The following DICER1 variants were observed in gnomAD, a reference collection of about 807,000 sequenced individuals.
DICER1 encodes the protein dicer 1, ribonuclease III, also known as endoribonuclease Dicer.
In DICER1, 43 loss-of-function variants were observed where a neutral mutation model predicts 194.1. That is an observed-to-expected ratio of 0.22 (90% CI 0.17 to 0.29). DICER1 has a LOEUF of 0.29. Ranked by LOEUF, DICER1 falls within the 10% of genes least tolerant of loss-of-function variation. The probability of loss-of-function intolerance (pLI) is 1.00; values close to 1 mark genes in which losing one functional copy is unlikely to be tolerated. For missense variants in DICER1, 1,608 were observed against 2,317.0 expected, an observed-to-expected ratio of 0.69 and a Z score of 6.28; for synonymous variants, 832 against 820.5, an observed-to-expected ratio of 1.01 and a Z score of -0.24.
intron 1 of DICER1, among the ~76,000 whole-genome samples, chr14:95,138,711 G>T (rs367620409): frequency 1.0e-4 from 15 of 148,842 alleles, no homozygotes; most frequent in African/African-American, 3.5e-4. Context: ...GTAAACTATC[G>T]CAAGAACAAA....
At chr14:95,131,782 C>T (rs1463673116) in intron 3 of DICER1, 143 bp from the exon 4 acceptor site, 2 of 829,386 alleles carry the variant, frequency 2.4e-6, no homozygotes, top group Non-Finnish European at 4.0e-6. Context: ...CTCTTTAAAA[C>T]CACAGTTCCA....
chr14:95,150,952 C>T (rs1196480716), intron 1 of DICER1, among the ~76,000 whole-genome samples: 2 of 152,216 alleles, frequency 1.3e-5, no homozygotes, highest in African/African-American at 2.4e-5. Flanking sequence ...CTACCTCAAA[C>T]TCTTAGGTTC....
At chr14:95,150,420 A>G (rs892810766) in intron 1 of DICER1, among the ~76,000 whole-genome samples, 3 of 152,238 alleles carry the variant, frequency 2.0e-5, no homozygotes, top group Non-Finnish European at 4.4e-5. Flanking sequence ...CAGGAGCCAG[A>G]GGTTGCAGTA....
chr14:95,091,564 A>T, intron 24 of DICER1, 199 bp from the exon 25 acceptor site: 1 of 572,218 alleles, frequency 1.7e-6, no homozygotes, highest in Non-Finnish European at 3.0e-6. Flanking sequence ...CTTCTCAAGA[A>T]AAAAAGAAAA....
chr14:95,110,654 T>G (rs766128509), intron 14 of DICER1, among the ~76,000 whole-genome samples: 26 of 152,118 alleles, frequency 1.7e-4, no homozygotes, highest in Admixed American at 5.9e-4. Flanking sequence ...CACAGCAAAA[T>G]TCTGCTTTTG....
At chr14:95,117,997 G>A (rs1248715060) in intron 8 of DICER1, among the ~76,000 whole-genome samples, 1 of 152,160 alleles carries the variant, frequency 6.6e-6, no homozygotes. Context: ...AAATGAAATG[G>A]TCACGTTACC....
chr14:95,106,791 C>T (rs1891466465), intron 17 of DICER1, among the ~76,000 whole-genome samples: 1 of 151,964 alleles, frequency 6.6e-6, no homozygotes, highest in Non-Finnish European at 1.5e-5. Flanking sequence ...GGAAAAAAAT[C>T]ATTCTGGATT....
Position 95,103,854 on chromosome 14 carries a change from T to C in DICER1, c.3542A>G (p.Asn1181Ser). 1 of 1,614,192 alleles carries C rather than the reference T, an allele frequency of 6.2e-7. No individual in the cohort carries two copies. Among genetic ancestry groups the C allele is most frequent in the Middle Eastern group, 1.6e-4 (1 of 6,062 alleles). Reference protein sequence around the residue: ...DLTAINGLSYNQNLANGSYDL... With the variant: ...DLTAINGLSYSQNLANGSYDL... ...ATAACTGCCATTGGCGAGATTTTGA[T>C]TGTAAGAAAGACCATTAATTGCTGT... Residue 1181 changes from asparagine (N) to serine (S), a missense_variant, in exon 21 of 27, where the codon AAT becomes AGT. Coordinates refer to ENST00000343455, the MANE Select transcript of DICER1 (RefSeq NM_177438.3).
At chr14:95,139,933 C>A (rs752077448) in intron 1 of DICER1, among the ~76,000 whole-genome samples, 16 of 152,176 alleles carry the variant, frequency 1.1e-4, no homozygotes, top group Non-Finnish European at 2.1e-4. Flanking sequence ...AAATCCAAGA[C>A]TTAAAATTCC....
At chr14:95,116,099 G>C (rs1892441145) in intron 10 of DICER1, among the ~76,000 whole-genome samples, 2 of 150,490 alleles carry the variant, frequency 1.3e-5, no homozygotes, top group Admixed American at 6.9e-5. Flanking sequence ...ACGACTGTTA[G>C]TCTTTCTGAA....
At position 95,115,882 on chromosome 14, in the gene DICER1, G is replaced by A; in HGVS notation, c.1753-61C>T. 10 of 1,550,494 alleles carry A rather than the reference G, an allele frequency of 6.4e-6. No individual in the cohort carries two copies. In the South Asian group the frequency reaches 1.1e-4, roughly 17 times the overall value. On this transcript the variant is annotated intron_variant, in intron 10 of 26. Coordinates refer to ENST00000343455, the MANE Select transcript of DICER1 (RefSeq NM_177438.3). ...ACATCCTCTCTGCTGTATGCTGTCT[G>A]CCTCTGTACCTACAGAAAAAACTCT... is the stretch of plus-strand genomic sequence containing the variant.
intron 26 of DICER1, 146 bp from the exon 27 acceptor site, chr14:95,090,809 T>C (rs1197562754): frequency 4.7e-6 from 5 of 1,061,886 alleles, no homozygotes; most frequent in East Asian, 2.4e-5. Flanking sequence ...CTTACTGCAA[T>C]TGCATACCCC....
intron 3 of DICER1, 121 bp from the exon 4 acceptor site, chr14:95,131,760 G>A: frequency 1.0e-6 from 1 of 956,904 alleles, no homozygotes; most frequent in Non-Finnish European, 1.7e-6. Context: ...AACCAACAAT[G>A]TTTTTGATAG....
intron 1 of DICER1, chr14:95,141,862 A>G (rs1894845191): frequency 6.6e-6 from 1 of 152,236 alleles, no homozygotes; most frequent in African/African-American, 2.4e-5. Flanking sequence ...GTTGGGCAAC[A>G]AGACAATGCA....
intron 1 of DICER1, among the ~76,000 whole-genome samples, chr14:95,154,948 T>C (rs1245028696): frequency 6.6e-6 from 1 of 152,088 alleles, no homozygotes; most frequent in Non-Finnish European, 1.5e-5. Flanking sequence ...ACAGCTTCAT[T>C]CATTCCACAA....
intron 11 of DICER1, among the ~76,000 whole-genome samples, chr14:95,113,759 G>A (rs1247247669): frequency 6.6e-6 from 1 of 152,174 alleles, no homozygotes; most frequent in Non-Finnish European, 1.5e-5. Context: ...GTTGGAACAG[G>A]GCAGAAAGCT....
intron 8 of DICER1, among the ~76,000 whole-genome samples, chr14:95,121,325 A>T (rs1454481025): frequency 1.3e-5 from 2 of 152,206 alleles, no homozygotes; most frequent in African/African-American, 4.8e-5. Flanking sequence ...AAAAAATAAA[A>T]ATAAATTTTT....
intron 22 of DICER1, among the ~76,000 whole-genome samples, chr14:95,097,175 T>A (rs1428428743): frequency 6.6e-6 from 1 of 152,206 alleles, no homozygotes; most frequent in Admixed American, 6.5e-5. Flanking sequence ...ATTCCAGATG[T>A]AGAAAAGCAT....
chr14:95,089,311 CTT>C lies in DICER1; in HGVS notation c.*1185_*1186del. 1 of 231,508 alleles carries C rather than the reference CTT, an allele frequency of 4.3e-6. No individual in the cohort carries two copies. Among genetic ancestry groups the C allele is most frequent in the East Asian group, 6.1e-5 (1 of 16,318 alleles). The allele number at this position is 231,508 out of a possible 1,614,324, so 14.3% of individuals were successfully genotyped here. ...ACGGCAGTTTATCGCAAACGTTAAA[CTT>C]TCACGGCATTAACAGCACAGCTTTG... is the stretch of plus-strand genomic sequence containing the variant. On this transcript the variant is annotated 3_prime_UTR_variant, in exon 27 of 27. Coordinates refer to ENST00000343455, the MANE Select transcript of DICER1 (RefSeq NM_177438.3).
Sources: gnomAD v4.1 joint callset for allele counts (sites outside exome capture counted in the v4.1 genomes callset) on GRCh38, gnomAD v4.1.1 for gene constraint, MANE v1.5 for transcripts, NCBI Gene and HGNC (gene_info 2026-07-23, HGNC 2026-07-21) for gene names.